UBE4A: variants seen among roughly 807,000 people sequenced by gnomAD.
UBE4A encodes ubiquitination factor E4A.
Under a neutral mutation model 117.9 loss-of-function variants are expected in UBE4A, and 48 were observed. That is an observed-to-expected ratio of 0.41 (90% CI 0.32 to 0.52). The LOEUF is 0.52. Ranked by LOEUF, UBE4A falls within the 20% of genes least tolerant of loss-of-function variation. The probability of loss-of-function intolerance (pLI) is 0.33; values close to 1 mark genes in which losing one functional copy is unlikely to be tolerated. For synonymous variants in UBE4A, 407 were observed against 450.0 expected, an observed-to-expected ratio of 0.90 and a Z score of 1.21; for missense variants, 1,067 against 1,296.3, an observed-to-expected ratio of 0.82 and a Z score of 2.72.
chr11:118,369,754 C>T (rs1348289772), intron 4 of UBE4A, among the ~76,000 whole-genome samples: 2 of 151,792 alleles, frequency 1.3e-5, no homozygotes, highest in Admixed American at 1.3e-4. Flanking sequence ...TGGCCACATG[C>T]CCAAATCTAC....
intron 1 of UBE4A, among the ~76,000 whole-genome samples, chr11:118,363,161 A>G (rs1948533532): frequency 6.6e-6 from 1 of 152,190 alleles, no homozygotes; most frequent in Admixed American, 6.5e-5. Context: ...ACATGGGGAA[A>G]ATCCCTCTCA....
At chr11:118,374,489 C>T (rs557326076) in intron 8 of UBE4A, among the ~76,000 whole-genome samples, 1 of 152,206 alleles carries the variant, frequency 6.6e-6, no homozygotes, top group Non-Finnish European at 1.5e-5. Flanking sequence ...CAAATCTGGC[C>T]TGCCACCTGT....
chr11:118,388,575 G>A (rs1298062954), intron 16 of UBE4A, among the ~76,000 whole-genome samples: 1 of 151,968 alleles, frequency 6.6e-6, no homozygotes, highest in Non-Finnish European at 1.5e-5. Context: ...CTTGAACTTA[G>A]GAGGCGGAGG....
chr11:118,385,790 T>C (rs1948751398), intron 15 of UBE4A, among the ~76,000 whole-genome samples: 1 of 152,224 alleles, frequency 6.6e-6, no homozygotes, highest in African/African-American at 2.4e-5. Context: ...TTTGATCTGA[T>C]TTCTTCATAA....
Position 118,368,717 on chromosome 11 carries a change from C to A in UBE4A, c.208C>A (p.Arg70Ser). Residue 70 changes from arginine (R) to serine (S), a missense_variant, in exon 3 of 20, where the codon CGC (arginine) becomes AGC (serine). Arg to Ser is a moderately radical substitution (Grantham distance 110, BLOSUM62 -1). Transcript: ENST00000252108. ...EFDYSVAEIS[R>S]SFRSQQEICE... Reference sequence around the variant, plus strand: ...CGATTACTCTGTGGCTGAGATTAGCCGCTCATTCCGATCACAGCAGGAAAT... The same window carrying A: ...CGATTACTCTGTGGCTGAGATTAGCAGCTCATTCCGATCACAGCAGGAAAT... 6.2e-7 allele frequency: 1 copy of A among 1,614,100 alleles called. No individual in the cohort carries two copies. The highest frequency in any genetic ancestry group is 8.5e-7 in the Non-Finnish European group (1 of 1,180,010).
In UBE4A at chr11:118,381,654, A is replaced by G. The variant is rs533817300; in HGVS notation, c.2009+131A>G. ...GAAGTTATGGTAACATTAAGGAATC[A>G]CCTGACCATCCATATGGGTAGCCAG... On this transcript the variant is annotated intron_variant, in intron 12 of 19. Transcript: ENST00000252108. The G allele has an allele frequency of 1.4e-5, 17 of 1,244,960 alleles. No homozygotes were observed. The Admixed American group carries it at 2.7e-4, about 20-fold the overall frequency. 77.1% of individuals were successfully genotyped at this position (1,244,960 alleles called of 1,614,324 possible).
chr11:118,377,699 GC>G (rs1321521416), intron 10 of UBE4A, among the ~76,000 whole-genome samples: 2 of 148,124 alleles, frequency 1.4e-5, no homozygotes, highest in Non-Finnish European at 3.0e-5. Context: ...GATCACTTGA[GC>G]CCAGGAGTTT....
intron 2 of UBE4A, among the ~76,000 whole-genome samples, chr11:118,367,734 G>A (rs1305631382): frequency 6.6e-6 from 1 of 151,876 alleles, no homozygotes; most frequent in East Asian, 1.9e-4. Flanking sequence ...TCCTGACCTC[G>A]TGATCCGCCT....
chr11:118,387,886 G>C (rs1335611994), intron 16 of UBE4A, among the ~76,000 whole-genome samples: 3 of 152,168 alleles, frequency 2.0e-5, no homozygotes, highest in African/African-American at 7.2e-5. Context: ...AGCTTGTGTG[G>C]CCACTACATA....
chr11:118,396,167 C>A, intron 19 of UBE4A, 147 bp from the exon 20 acceptor site: 1 of 918,424 alleles, frequency 1.1e-6, no homozygotes, highest in Non-Finnish European at 1.5e-6. Flanking sequence ...TGTTCTCACT[C>A]TTTCTAACCC....
intron 8 of UBE4A, among the ~76,000 whole-genome samples, chr11:118,374,068 T>G (rs1948630966): frequency 6.6e-6 from 1 of 151,936 alleles, no homozygotes; most frequent in Non-Finnish European, 1.5e-5. Flanking sequence ...AAGCCATGAT[T>G]GCATCATCAC....
In UBE4A at chr11:118,399,025, T is replaced by A. The variant is rs1411394699; in HGVS notation, c.*2585T>A. ...GCACTGTTGATGTCATGTGAGGAAATAATGCACATGCTCTAACTGCTCAAC... is the reference window on the plus strand; with the variant it reads ...GCACTGTTGATGTCATGTGAGGAAAAAATGCACATGCTCTAACTGCTCAAC... On this transcript the variant is annotated 3_prime_UTR_variant, in exon 20 of 20. Transcript: ENST00000252108. The A allele has an allele frequency of 2.2e-5, 10 of 456,412 alleles. No homozygotes were observed. Among genetic ancestry groups the A allele is most frequent in the Non-Finnish European group, 4.0e-5 (9 of 226,900 alleles). The allele number at this position is 456,412 out of a possible 1,614,324, so 28.3% of individuals were successfully genotyped here.
At chr11:118,383,588 C>CAAAAAA (rs11375309) in intron 13 of UBE4A, among the ~76,000 whole-genome samples, 1 of 54,232 alleles carries the variant, frequency 1.8e-5, no homozygotes, top group Non-Finnish European at 3.6e-5. Context: ...AAATCCCTCT[C>CAAAAAA]AAAAAAAAAA....
intron 13 of UBE4A, among the ~76,000 whole-genome samples, chr11:118,383,136 A>T (rs1473378785): frequency 6.6e-6 from 1 of 152,162 alleles, no homozygotes; most frequent in East Asian, 1.9e-4. Flanking sequence ...CACCCTTATT[A>T]TGTTGCATCA....
intron 13 of UBE4A, among the ~76,000 whole-genome samples, chr11:118,383,587 T>TTA (rs1555126691): frequency 2.7e-5 from 1 of 36,972 alleles, no homozygotes; most frequent in Non-Finnish European, 4.9e-5. Context: ...GAAATCCCTC[T>TTA]CAAAAAAAAA....
intron 19 of UBE4A, among the ~76,000 whole-genome samples, chr11:118,393,286 G>A (rs1486375244): frequency 6.6e-6 from 1 of 152,074 alleles, no homozygotes; most frequent in Non-Finnish European, 1.5e-5. Context: ...GCATGGTGGT[G>A]CGCACATGTA....
At position 118,389,737 on chromosome 11, in the gene UBE4A, T is replaced by C. The variant is rs781891640; in HGVS notation, c.2600T>C (p.Leu867Pro). 5.0e-6 allele frequency: 8 copies of C among 1,607,134 alleles called. No individual in the cohort carries two copies. Among genetic ancestry groups the C allele is most frequent in the Non-Finnish European group, 6.8e-6 (8 of 1,174,500 alleles). ...LAFLTSEIKS[L>P]FVHPFLAERI... ...GATTCTTTTCCAGAGATCAAGTCAC[T>C]CTTTGTGCATCCCTTCCTGGCTGAG... Residue 867 changes from leucine to proline, a missense_variant, in exon 17 of 20, where the codon CTC becomes CCC. Transcript: ENST00000252108.
chr11:118,381,114 A>G (rs556167094), intron 11 of UBE4A, among the ~76,000 whole-genome samples: 1 of 152,356 alleles, frequency 6.6e-6, no homozygotes, highest in Admixed American at 6.5e-5. Context: ...GGTTTAAACC[A>G]CAGTTAACCT....
In UBE4A at chr11:118,380,581, GA is replaced by G. The variant is rs2134099675; in HGVS notation, c.1877-806del. Among the ~76,000 whole-genome samples, 2 of 152,160 alleles carry G rather than the reference GA, an allele frequency of 1.3e-5. 1 individual carries two copies. Among genetic ancestry groups the G allele is most frequent in the South Asian group, 4.1e-4 (2 of 4,824 alleles). On this transcript the variant is annotated intron_variant, in intron 11 of 19. Coordinates refer to ENST00000252108, the MANE Select transcript of UBE4A (RefSeq NM_001204077.2). ...TGGGTGACAGCAGGACCCTGTCTCAGAAAATAAATTAATTAATTAATAAAAT... is the reference window on the plus strand; with the variant it reads ...TGGGTGACAGCAGGACCCTGTCTCAGAAATAAATTAATTAATTAATAAAAT...
Sources: allele counts gnomAD v4.1 joint callset (sites outside exome capture counted in the v4.1 genomes callset), GRCh38; gene constraint gnomAD v4.1.1; transcripts MANE v1.5; gene names NCBI Gene and HGNC (gene_info 2026-07-23, HGNC 2026-07-21).